The following SEMA5A variants were observed in gnomAD, a reference collection of about 807,000 sequenced individuals.
SEMA5A encodes the protein semaphorin 5A.
SEMA5A carries 55 observed loss-of-function variants against 135.5 expected under a neutral mutation model. The observed-to-expected ratio is 0.41, with a 90% confidence interval of 0.33 to 0.51. The LOEUF (loss-of-function observed/expected upper bound fraction) is 0.51, where lower values mean the gene tolerates loss of function less well. Among genes scored for constraint, SEMA5A ranks in the 20% least tolerant of loss-of-function variants. The pLI, the probability that SEMA5A is intolerant of heterozygous loss-of-function variation, is 0.37. For synonymous variants in SEMA5A, 580 were observed against 546.5 expected, an observed-to-expected ratio of 1.06 and a Z score of -0.85; for missense variants, 1,290 against 1,419.9, an observed-to-expected ratio of 0.91 and a Z score of 1.47.
chr5:9,136,865 A>T (rs900348350), intron 12 of SEMA5A, among the ~76,000 whole-genome samples: 1 of 152,242 alleles, frequency 6.6e-6, no homozygotes, highest in African/African-American at 2.4e-5. Flanking sequence ...ATGACAGATG[A>T]CTAAAGATGA....
chr5:9,308,039 T>C (rs1447989337), intron 5 of SEMA5A, among the ~76,000 whole-genome samples: 1 of 152,200 alleles, frequency 6.6e-6, no homozygotes, highest in Non-Finnish European at 1.5e-5. Context: ...GTATGTACTT[T>C]TTTGTCAAAG....
intron 16 of SEMA5A, among the ~76,000 whole-genome samples, chr5:9,074,143 T>C (rs988993430): frequency 2.0e-5 from 3 of 152,198 alleles, no homozygotes; most frequent in African/African-American, 7.2e-5. Flanking sequence ...AGCATCAAGA[T>C]AGAAAGACTG....
intron 2 of SEMA5A, among the ~76,000 whole-genome samples, chr5:9,402,366 T>C (rs1486497590): frequency 1.3e-5 from 2 of 152,252 alleles, no homozygotes; most frequent in Admixed American, 6.5e-5. Flanking sequence ...GTGACTATTC[T>C]ATAGGCCCTT....
At chr5:9,333,960 C>T (rs950629989) in intron 4 of SEMA5A, among the ~76,000 whole-genome samples, 12 of 151,994 alleles carry the variant, frequency 7.9e-5, no homozygotes, top group African/African-American at 2.9e-4. Context: ...TAACATAATA[C>T]GAAAGTTCAT....
chr5:9,129,727 T>G (rs1172703384), intron 13 of SEMA5A, among the ~76,000 whole-genome samples: 1 of 152,202 alleles, frequency 6.6e-6, no homozygotes, highest in Admixed American at 6.5e-5. Context: ...TATTAAACAT[T>G]AGACCTTAGT....
chr5:9,236,143 A>G (rs1359362061), intron 6 of SEMA5A, among the ~76,000 whole-genome samples: 1 of 152,116 alleles, frequency 6.6e-6, no homozygotes, highest in Non-Finnish European at 1.5e-5. Flanking sequence ...CATGGGAATT[A>G]TGGAAGCTAT....
chr5:9,470,532 A>T (rs2126752827), intron 1 of SEMA5A, among the ~76,000 whole-genome samples: 1 of 152,286 alleles, frequency 6.6e-6, no homozygotes, highest in East Asian at 1.9e-4. Context: ...CTCATACAGG[A>T]ATTACAGTAT....
chr5:9,427,016 T>A (rs1170715392), intron 2 of SEMA5A, among the ~76,000 whole-genome samples: 1 of 152,090 alleles, frequency 6.6e-6, no homozygotes, highest in South Asian at 2.1e-4. Context: ...GAAAGTTATT[T>A]TAAAAAATGA....
intron 18 of SEMA5A, among the ~76,000 whole-genome samples, chr5:9,061,700 G>A (rs1324651119): frequency 6.6e-6 from 1 of 151,994 alleles, no homozygotes; most frequent in African/African-American, 2.4e-5. Context: ...GGGCTCTTTC[G>A]GCTCATTTTC....
rs1402028703 is a variant in SEMA5A at position 9,546,065 on chromosome 5, T to C, written c.-656A>G. On this transcript the variant is annotated 5_prime_UTR_variant, in exon 1 of 23. Coordinates refer to ENST00000382496, the MANE Select transcript of SEMA5A (RefSeq NM_003966.3). ...AGAGCAGCCGCCACCGGCGCCGCCTTCCCGGCAAGTAGATCGGCGCGGGGC... is the reference window on the plus strand; with the variant it reads ...AGAGCAGCCGCCACCGGCGCCGCCTCCCCGGCAAGTAGATCGGCGCGGGGC... 6.6e-6 allele frequency: 1 copy of C among 152,150 alleles called. No individual in the cohort carries two copies. The allele number at this position is 152,150 out of a possible 1,614,324, so 9.4% of individuals were successfully genotyped here. A position where few individuals can be genotyped will look rare whatever the true frequency, so the allele number is the denominator to read the frequency against.
In SEMA5A at chr5:9,038,085, A is replaced by G. The variant is rs139444544; in HGVS notation, c.*4812T>C. 1.3e-5 allele frequency: 2 copies of G among 152,356 alleles called. No homozygotes were observed. The highest frequency in any genetic ancestry group is 2.1e-4 in the South Asian group (1 of 4,830). 9.4% of individuals were successfully genotyped at this position (152,356 alleles called of 1,614,324 possible). Reference sequence around the variant, plus strand: ...ATCAAATATTGGTAACGTTGTGTCAACATGCTTCCCCAAGTGCATCAGGAA... The same window carrying G: ...ATCAAATATTGGTAACGTTGTGTCAGCATGCTTCCCCAAGTGCATCAGGAA... On this transcript the variant is annotated 3_prime_UTR_variant, in exon 23 of 23. Coordinates refer to ENST00000382496, the MANE Select transcript of SEMA5A (RefSeq NM_003966.3).
intron 4 of SEMA5A, among the ~76,000 whole-genome samples, chr5:9,319,224 T>G (rs781654222): frequency 1.3e-4 from 19 of 151,766 alleles, no homozygotes; most frequent in Non-Finnish European, 2.4e-4. Context: ...AAATAAATAA[T>G]AAATACATAA....
chr5:9,171,667 C>A (rs1382480385), intron 11 of SEMA5A, among the ~76,000 whole-genome samples: 2 of 152,150 alleles, frequency 1.3e-5, no homozygotes, highest in Non-Finnish European at 2.9e-5. Flanking sequence ...AATCATGAGT[C>A]TTAACCAATT....
In SEMA5A at chr5:9,039,070, G is replaced by A. The variant is rs925984770; in HGVS notation, c.*3827C>T. On this transcript the variant is annotated 3_prime_UTR_variant, in exon 23 of 23. Coordinates refer to ENST00000382496, the MANE Select transcript of SEMA5A (RefSeq NM_003966.3). ...ACAGCATGACCTGCTAATTCTACCAGAGACTCCAGTGGGAACACTCAGCAA... is the reference window on the plus strand; with the variant it reads ...ACAGCATGACCTGCTAATTCTACCAAAGACTCCAGTGGGAACACTCAGCAA... 2 of 152,212 alleles carry A rather than the reference G, an allele frequency of 1.3e-5. No individual in the cohort carries two copies. The highest frequency in any genetic ancestry group is 4.8e-5 in the African/African-American group (2 of 41,428). 9.4% of individuals were successfully genotyped at this position (152,212 alleles called of 1,614,324 possible).
intron 3 of SEMA5A, among the ~76,000 whole-genome samples, chr5:9,353,179 AGGAAG>A (rs1165146642): frequency 2.6e-5 from 1 of 38,842 alleles, no homozygotes; most frequent in African/African-American, 9.3e-5. Context: ...AGGAAGGGAA[AGGAAG>A]GGAAGGGAAA....
chr5:9,323,608 A>G (rs371649243), intron 4 of SEMA5A, among the ~76,000 whole-genome samples: 17 of 140,988 alleles, frequency 1.2e-4, no homozygotes, highest in African/African-American at 4.5e-4. Context: ...TATTTGTTTG[A>G]TTTTTAAGGC....
chr5:9,046,921 C>A (rs1388622949), intron 21 of SEMA5A, among the ~76,000 whole-genome samples: 2 of 152,190 alleles, frequency 1.3e-5, no homozygotes, highest in African/African-American at 4.8e-5. Context: ...CTCACTCACT[C>A]ACAACCACCT....
At chr5:9,074,528 G>A (rs1737941356) in intron 16 of SEMA5A, among the ~76,000 whole-genome samples, 1 of 152,026 alleles carries the variant, frequency 6.6e-6, no homozygotes, top group South Asian at 2.1e-4. Context: ...GCCTTTTAAG[G>A]ATCACTGTTA....
intron 17 of SEMA5A, among the ~76,000 whole-genome samples, chr5:9,064,633 G>C (rs559710381): frequency 8.5e-5 from 13 of 152,074 alleles, no homozygotes; most frequent in Non-Finnish European, 1.8e-4. Flanking sequence ...ACCACAGACC[G>C]GGGCCTGTCG....
Sources: gnomAD v4.1 joint callset for allele counts (sites outside exome capture counted in the v4.1 genomes callset) on GRCh38, gnomAD v4.1.1 for gene constraint, MANE v1.5 for transcripts, NCBI Gene and HGNC (gene_info 2026-07-23, HGNC 2026-07-21) for gene names.